The following RTTN variants were observed in gnomAD, a reference collection of about 807,000 sequenced individuals.
The protein encoded by RTTN is rotatin.
In RTTN, 182 loss-of-function variants were observed where a neutral mutation model predicts 269.2. That is an observed-to-expected ratio of 0.68 (90% CI 0.60 to 0.76). The LOEUF (loss-of-function observed/expected upper bound fraction) is 0.76, where lower values mean the gene tolerates loss of function less well. RTTN is among the 30% of genes least tolerant of loss of function. The pLI is 0.00. For synonymous variants in RTTN, 1,006 were observed against 963.5 expected (o/e 1.04, Z -0.82); for missense variants, 2,545 against 2,608.6 (o/e 0.98, Z 0.53).
At chr18:70,175,895 G>A (rs1253575068) in intron 11 of RTTN, among the ~76,000 whole-genome samples, 2 of 152,124 alleles carry the variant, frequency 1.3e-5, no homozygotes, top group Non-Finnish European at 2.9e-5. Context: ...AAGGAACCTG[G>A]GAAATAGTGA....
chr18:70,059,491 A>G (rs1376083330), intron 36 of RTTN, among the ~76,000 whole-genome samples: 1 of 152,218 alleles, frequency 6.6e-6, no homozygotes, highest in Non-Finnish European at 1.5e-5. Flanking sequence ...TTATTCTGAT[A>G]TGACCACTAA....
At chr18:70,185,551 G>A (rs1010219460) in intron 10 of RTTN, among the ~76,000 whole-genome samples, 5 of 152,078 alleles carry the variant, frequency 3.3e-5, no homozygotes, top group South Asian at 2.1e-4. Flanking sequence ...GTGAAAGATC[G>A]AATGCTTCCC....
At chr18:70,168,574 C>G (rs1251464283) in intron 12 of RTTN, among the ~76,000 whole-genome samples, 1 of 152,098 alleles carries the variant, frequency 6.6e-6, no homozygotes, top group African/African-American at 2.4e-5. Flanking sequence ...AATAGAGGTA[C>G]TCATTATTAA....
At chr18:70,010,527 C>A (rs1003104991) in intron 46 of RTTN, among the ~76,000 whole-genome samples, 4 of 152,180 alleles carry the variant, frequency 2.6e-5, no homozygotes, top group East Asian at 3.8e-4. Flanking sequence ...TAAATTAGTT[C>A]TTTGAAACCA....
intron 26 of RTTN, among the ~76,000 whole-genome samples, chr18:70,116,427 T>C (rs764444392): frequency 2.6e-5 from 4 of 152,184 alleles, no homozygotes; most frequent in Middle Eastern, 3.4e-3. Context: ...AAGTTTTTTT[T>C]TCTCTTTTCA....
chr18:70,022,663 A>G (rs1391178922), intron 44 of RTTN, among the ~76,000 whole-genome samples: 1 of 152,150 alleles, frequency 6.6e-6, no homozygotes, highest in African/African-American at 2.4e-5. Flanking sequence ...AATTACCCTC[A>G]AGGTCCAAAA....
intron 41 of RTTN, 66 bp from the exon 42 acceptor site, chr18:70,030,175 A>G: frequency 2.0e-6 from 2 of 1,008,142 alleles, no homozygotes; most frequent in Non-Finnish European, 3.0e-6. Context: ...AACCACATAT[A>G]CCAATCAGAT....
chr18:70,048,087 GC>G lies in RTTN; in HGVS notation c.5424del (p.His1809IlefsTer30). The G allele has an allele frequency of 6.2e-7, 1 of 1,614,118 alleles. No homozygotes were observed. The highest frequency in any genetic ancestry group is 8.5e-7 in the Non-Finnish European group (1 of 1,179,988). ...TGTGTTTTGCTCTTAGCCTGGAGAT[GC>G]CCTTTTGCTTCTTCGGTCAAGAGAA... ...LSVLLTEEAK[G>X]HLQAKSKTHL... is the part of the protein sequence containing the mutation. On this transcript the variant is annotated frameshift_variant, in exon 40 of 49. Coordinates refer to ENST00000640769, the MANE Select transcript of RTTN (RefSeq NM_173630.4). LOFTEE classifies it high-confidence loss of function.
rs35424122 is a variant in RTTN, at chr18:70,148,955, G to A, written c.2255C>T (p.Pro752Leu). 766 of 1,613,438 alleles carry A rather than the reference G, an allele frequency of 4.7e-4. 1 individual carries two copies. The highest frequency in any genetic ancestry group is 1.1e-3 in the East Asian group (48 of 44,864). Residue 752 changes from proline to leucine, a missense_variant, in exon 17 of 49, where the codon CCG (proline) becomes CTG (leucine). Coordinates refer to ENST00000640769, the MANE Select transcript of RTTN (RefSeq NM_173630.4). ...KASSDTEEMLPCTTRLKSMLR... is the reference protein window; with the variant it reads ...KASSDTEEMLLCTTRLKSMLR... Reference sequence around the variant, plus strand: ...CATGGACTTTAATCGGGTAGTACACGGAAGCATCTCTTCTGTGTCAGAACT... The same window carrying A: ...CATGGACTTTAATCGGGTAGTACACAGAAGCATCTCTTCTGTGTCAGAACT...
chr18:70,013,413 C>CTGTG lies in RTTN; in HGVS notation c.6421+3990_6421+3993dup, dbSNP rs150097969. The stretch of plus-strand genomic sequence containing the variant: ...TACATATGTGTGTGTGTGTGTGTGT[C>CTGTG]TGTGTGTGTGTGTGTGTGTGTGAAT... On this transcript the variant is annotated intron_variant, in intron 46 of 48. Coordinates refer to ENST00000640769, the MANE Select transcript of RTTN (RefSeq NM_173630.4). Among the ~76,000 whole-genome samples the CTGTG allele has an allele frequency of 2.4e-4, 35 of 145,656 alleles. 1 individual carries two copies. The highest frequency in any genetic ancestry group is 9.0e-4 in the Admixed American group (13 of 14,484).
At chr18:70,176,911 C>A in intron 10 of RTTN, 66 bp from the exon 11 acceptor site, 1 of 1,189,204 alleles carries the variant, frequency 8.4e-7, no homozygotes, top group Non-Finnish European at 1.2e-6. Flanking sequence ...TATACAAAAG[C>A]CATGGAGAAC....
At chr18:70,155,727 G>A (rs1344239568) in intron 14 of RTTN, among the ~76,000 whole-genome samples, 8 of 152,266 alleles carry the variant, frequency 5.3e-5, no homozygotes, top group Admixed American at 5.2e-4. Flanking sequence ...GTTGCGGGAA[G>A]TCAGGGACCC....
intron 16 of RTTN, among the ~76,000 whole-genome samples, 198 bp from the exon 17 acceptor site, chr18:70,149,235 C>A (rs748784468): frequency 1.9e-4 from 29 of 152,092 alleles, no homozygotes; most frequent in Non-Finnish European, 4.0e-4. Context: ...AATACACATA[C>A]ATACAGGAGA....
At chr18:70,041,214 A>G (rs2144717103) in intron 40 of RTTN, among the ~76,000 whole-genome samples, 2 of 151,920 alleles carry the variant, frequency 1.3e-5, no homozygotes, top group East Asian at 3.9e-4. Context: ...TGTCTCAAAA[A>G]TAAATAAATA....
At chr18:70,092,287 A>T in intron 29 of RTTN, 67 bp from the exon 30 acceptor site, 1 of 985,200 alleles carries the variant, frequency 1.0e-6, no homozygotes, top group South Asian at 1.5e-5. Flanking sequence ...CAGGAAGGTT[A>T]AAACAAGAAT....
chr18:70,014,121 T>C (rs1440065695), intron 46 of RTTN, among the ~76,000 whole-genome samples: 1 of 152,200 alleles, frequency 6.6e-6, no homozygotes, highest in Non-Finnish European at 1.5e-5. Context: ...TATCTTGCTA[T>C]TTAATAAGAT....
chr18:70,115,904 T>C (rs1280023168), intron 26 of RTTN, among the ~76,000 whole-genome samples: 6 of 151,978 alleles, frequency 3.9e-5, no homozygotes, highest in Admixed American at 3.9e-4. Context: ...CAATTATAAA[T>C]AATATAACTG....
chr18:70,114,577 A>G lies in RTTN; in HGVS notation c.3551T>C (p.Leu1184Pro). 1 of 1,613,154 alleles carries G rather than the reference A, an allele frequency of 6.2e-7. No individual in the cohort carries two copies. The highest frequency in any genetic ancestry group is 1.1e-5 in the South Asian group (1 of 90,880). ...LRHSANPLLD[L>P]LVLTESQARE... ...TGCCTGTGACTCTGTCAGAACCAAG[A>G]GGTCTAACAGTGGGTTTGCACTCTA... The change falls in exon 27 of 49, where the codon CTC becomes CCC. Residue 1184 changes from leucine (L) to proline (P), a missense_variant. Transcript: ENST00000640769.
rs763144748 is a variant in RTTN, at chr18:70,030,970, C to A, written c.5553G>T (p.Gly1851=). The change falls in exon 41 of 49, where the codon GGG becomes GGT. Residue 1851 remains glycine (G), a synonymous_variant. Transcript: ENST00000640769. The part of the protein sequence containing the change: ...LSDVILQCYE[G]KSSKDILKRV... ...TTTTCAGGATATCTTTGGAGGATTT[C>A]CCTTCATAGCACTGCAGAGAATATA... The A allele has an allele frequency of 1.1e-5, 17 of 1,610,766 alleles. No individual in the cohort carries two copies. The highest frequency in any genetic ancestry group is 1.6e-4 in the Middle Eastern group (1 of 6,068).
Sources: gnomAD v4.1 joint callset for allele counts (sites outside exome capture counted in the v4.1 genomes callset) on GRCh38, gnomAD v4.1.1 for gene constraint, MANE v1.5 for transcripts, NCBI Gene and HGNC (gene_info 2026-07-23, HGNC 2026-07-21) for gene names.